SCO1: variants seen among roughly 807,000 people sequenced by gnomAD.
SCO1 encodes synthesis of cytochrome C oxidase 1.
In SCO1, 23 loss-of-function variants were observed where a neutral mutation model predicts 34.0. The ratio of observed to expected loss-of-function variants is 0.68; its 90% confidence interval spans 0.49 to 0.96. SCO1 has a LOEUF of 0.96. Ranked by LOEUF, SCO1 falls within the 40% of genes least tolerant of loss-of-function variation. The pLI is 0.00. For missense variants in SCO1, 404 were observed against 381.6 expected (o/e 1.06, Z -0.49); for synonymous variants, 161 against 145.5 (o/e 1.11, Z -0.77).
At chr17:10,683,401 A>G (rs1003257458) in intron 5 of SCO1, among the ~76,000 whole-genome samples, 1 of 152,216 alleles carries the variant, frequency 6.6e-6, no homozygotes, top group East Asian at 1.9e-4. Context: ...GATAAAGTCC[A>G]AAAAGTAGAA....
intron 5 of SCO1, chr17:10,683,818 G>A (rs1202388066): frequency 6.6e-6 from 1 of 151,922 alleles, no homozygotes; most frequent in East Asian, 1.9e-4. Context: ...CGATCACTCT[G>A]AAGAGTCCAC....
Position 10,675,841 on chromosome 17 carries a change from G to C in SCO1, c.*5278C>G, listed in dbSNP as rs1447970801. 6.6e-6 allele frequency: 1 copy of C among 152,146 alleles called. No individual in the cohort carries two copies. The highest frequency in any genetic ancestry group is 1.5e-5 in the Non-Finnish European group (1 of 68,032). The allele number at this position is 152,146 out of a possible 1,614,324, so 9.4% of individuals were successfully genotyped here. On this transcript the variant is annotated 3_prime_UTR_variant, in exon 6 of 6. Transcript: ENST00000255390. ...TTAAGAATGGGAAGAGAGGCTTGGC[G>C]GGGAGGGTTGTCTTTCCCTAGGGTT...
At chr17:10,686,905 C>T (rs2074660434) in intron 4 of SCO1, 63 bp from the exon 5 acceptor site, 6 of 1,042,924 alleles carry the variant, frequency 5.8e-6, no homozygotes, top group Middle Eastern at 2.3e-4. Context: ...ATCTCTACTT[C>T]AAAAAATGTA....
Position 10,697,533 on chromosome 17 carries a change from G to A in SCO1, c.-26C>T, listed in dbSNP as rs748731493. ...GAGCCTCGGAGACCGGGTCTCCTTT[G>A]ACCCTCCCCGCGATTTCCGGTAGCG... On this transcript the variant is annotated 5_prime_UTR_variant, in exon 1 of 6. Coordinates refer to ENST00000255390, the MANE Select transcript of SCO1 (RefSeq NM_004589.4). 2.5e-6 allele frequency: 4 copies of A among 1,612,282 alleles called. No individual in the cohort carries two copies. In the South Asian group the frequency reaches 3.3e-5, roughly 13 times the overall value.
At chr17:10,692,558 A>T (rs753591477) in intron 3 of SCO1, among the ~76,000 whole-genome samples, 6 of 152,208 alleles carry the variant, frequency 3.9e-5, no homozygotes, top group Non-Finnish European at 5.9e-5. Flanking sequence ...TTTTTAAGTG[A>T]TCTAACATTT....
At chr17:10,690,926 GAA>G (rs1035819239) in intron 4 of SCO1, among the ~76,000 whole-genome samples, 2 of 152,102 alleles carry the variant, frequency 1.3e-5, no homozygotes, top group Non-Finnish European at 2.9e-5. Flanking sequence ...TATGTTAAAT[GAA>G]AAAAGTCAGG....
At chr17:10,690,659 A>C (rs750229475) in intron 4 of SCO1, among the ~76,000 whole-genome samples, 43 of 152,228 alleles carry the variant, frequency 2.8e-4, no homozygotes, top group Non-Finnish European at 5.0e-4. Flanking sequence ...ACAGAACTGC[A>C]ATACAATCCA....
intron 1 of SCO1, among the ~76,000 whole-genome samples, chr17:10,696,716 AC>A (rs1315406724): frequency 6.6e-6 from 1 of 152,038 alleles, no homozygotes; most frequent in African/African-American, 2.4e-5. Flanking sequence ...AGCTCCAAAA[AC>A]CCACTTCTCT....
Position 10,697,222 on chromosome 17 carries a change from G to A in SCO1, c.273+13C>T. The A allele has an allele frequency of 1.9e-6, 3 of 1,541,510 alleles. No individual in the cohort carries two copies. The highest frequency in any genetic ancestry group is 2.6e-6 in the Non-Finnish European group (3 of 1,143,898). On this transcript the variant is annotated intron_variant, in intron 1 of 5. Coordinates refer to ENST00000255390, the MANE Select transcript of SCO1 (RefSeq NM_004589.4). ...CGCGACGAGCACCAGAAGGGTTCCA[G>A]GTGTGCACTCACCCCGGGCTTCGAG...
Position 10,680,808 on chromosome 17 carries a change from G to A in SCO1, c.*311C>T. ...TGCTGGGAGGGCCTGTTCGCAGGCA[G>A]GAATGCACTGGCTGTGCCTCGCCCC... On this transcript the variant is annotated 3_prime_UTR_variant, in exon 6 of 6. Transcript: ENST00000255390. 2.3e-6 allele frequency: 1 copy of A among 437,836 alleles called. No homozygotes were observed. Among genetic ancestry groups the A allele is most frequent in the South Asian group, 2.2e-5 (1 of 44,662 alleles). 27.1% of individuals were successfully genotyped at this position (437,836 alleles called of 1,614,324 possible).
chr17:10,691,983 T>C lies in SCO1; in HGVS notation c.563-19A>G. 3 of 1,535,234 alleles carry C rather than the reference T, an allele frequency of 2.0e-6. No individual in the cohort carries two copies. The highest frequency in any genetic ancestry group is 2.7e-6 in the Non-Finnish European group (3 of 1,108,556). On this transcript the variant is annotated intron_variant, in intron 3 of 5. Coordinates refer to ENST00000255390, the MANE Select transcript of SCO1 (RefSeq NM_004589.4). ...ATGCTATCTGAAAGAGAGTTCCAAT[T>C]AGTCCGTATTCACACCCTAAGGGAA...
In SCO1 at chr17:10,680,971, C is replaced by T; in HGVS notation, c.*148G>A. On this transcript the variant is annotated 3_prime_UTR_variant, in exon 6 of 6. Transcript: ENST00000255390. ...CAATTTTGGTTGAACGCAAGGGTAA[C>T]ATCCCCATCCAAAACAGAAATGTTC... 1.0e-6 allele frequency: 1 copy of T among 968,796 alleles called. No homozygotes were observed. The highest frequency in any genetic ancestry group is 1.6e-6 in the Non-Finnish European group (1 of 612,996). The allele number at this position is 968,796 out of a possible 1,614,324, so 60.0% of individuals were successfully genotyped here.
chr17:10,692,742 T>G (rs758026880), intron 3 of SCO1, 22 bp downstream of exon 3: 114 of 1,594,412 alleles, frequency 7.1e-5, no homozygotes, highest in Middle Eastern at 6.6e-4. Context: ...ATACTTTGTT[T>G]AGTTAGTGAT....
chr17:10,680,702 T>C lies in SCO1; in HGVS notation c.*417A>G, dbSNP rs901446461. On this transcript the variant is annotated 3_prime_UTR_variant, in exon 6 of 6. Transcript: ENST00000255390. ...CAAGAAGAGGCAAGCAAGAGCACTATGGAAATTATATTCTTTTCTGTGAAA... is the reference window on the plus strand; with the variant it reads ...CAAGAAGAGGCAAGCAAGAGCACTACGGAAATTATATTCTTTTCTGTGAAA... 3.7e-5 allele frequency: 9 copies of C among 241,298 alleles called. No homozygotes were observed. Among genetic ancestry groups the C allele is most frequent in the South Asian group, 3.6e-4 (6 of 16,656 alleles). The allele number at this position is 241,298 out of a possible 1,614,324, so 14.9% of individuals were successfully genotyped here.
At chr17:10,692,990 A>C (rs77952601) in intron 2 of SCO1, 29 bp from the exon 3 acceptor site, 1 of 1,461,958 alleles carries the variant, frequency 6.8e-7, no homozygotes, top group Admixed American at 1.8e-5. Flanking sequence ...TATCGACACC[A>C]AAAAAAAAGT....
intron 3 of SCO1, 38 bp downstream of exon 3, chr17:10,692,726 A>C: frequency 6.5e-7 from 1 of 1,547,364 alleles, no homozygotes; most frequent in South Asian, 1.1e-5. Context: ...AACATGAAGT[A>C]AACATATACT....
At chr17:10,687,879 A>T (rs2074666358) in intron 4 of SCO1, among the ~76,000 whole-genome samples, 1 of 152,206 alleles carries the variant, frequency 6.6e-6, no homozygotes. Context: ...TTTGGTTAGT[A>T]ATATGTGATT....
Position 10,681,075 on chromosome 17 carries a change from T to C in SCO1, c.*44A>G, listed in dbSNP as rs920997968. The C allele has an allele frequency of 2.5e-6, 4 of 1,612,446 alleles. No homozygotes were observed. The highest frequency in any genetic ancestry group is 3.4e-6 in the Non-Finnish European group (4 of 1,178,566). On this transcript the variant is annotated 3_prime_UTR_variant, in exon 6 of 6. Transcript: ENST00000255390. ...TAGGCTCCTATGCGAGACAGTTTCC[T>C]TCCTCTTAGCAAGAGAATACTGCAT...
Position 10,681,214 on chromosome 17 carries a change from CAT to C in SCO1, c.809_810del (p.Asp270GlyfsTer2). The C allele has an allele frequency of 6.2e-7, 1 of 1,614,064 alleles. No individual in the cohort carries two copies. Among genetic ancestry groups the C allele is most frequent in the Non-Finnish European group, 8.5e-7 (1 of 1,179,982 alleles). Reference protein sequence around the residue: ...HTIIMYLIGPDGEFLDYFGQN... With the variant: ...HTIIMYLIGPXGEFLDYFGQN... ...TGGCCAAAATAATCTAGAAACTCAC[CAT>C]CTGGTCCAATCAAGTACATTATTAT... On this transcript the variant is annotated frameshift_variant, in exon 6 of 6. Transcript: ENST00000255390. LOFTEE classifies it high-confidence loss of function.
Sources: gnomAD v4.1 joint callset for allele counts (sites outside exome capture counted in the v4.1 genomes callset) on GRCh38, gnomAD v4.1.1 for gene constraint, MANE v1.5 for transcripts, NCBI Gene and HGNC (gene_info 2026-07-23, HGNC 2026-07-21) for gene names.